Variants in LDB2 observed in about 807,000 individuals in gnomAD.
The protein encoded by LDB2 is LIM domain binding 2, also known as LIM domain-binding protein 2.
A neutral mutation model predicts 44.3 loss-of-function variants in LDB2; 12 were observed. The ratio of observed to expected loss-of-function variants is 0.27; its 90% confidence interval spans 0.17 to 0.44. LDB2 has a LOEUF of 0.44. LDB2 is among the 20% of genes least tolerant of loss of function. The pLI, the probability that LDB2 is intolerant of heterozygous loss-of-function variation, is 1.00. For synonymous variants in LDB2, 164 were observed against 174.8 expected (o/e 0.94, Z 0.49); for missense variants, 344 against 473.5 (o/e 0.73, Z 2.54).
intron 2 of LDB2, among the ~76,000 whole-genome samples, chr4:16,745,114 C>T (rs1218655922): frequency 1.3e-5 from 2 of 152,194 alleles, no homozygotes; most frequent in African/African-American, 4.8e-5. Context: ...GCTTGTCTGA[C>T]TCACAAGCCT....
rs537091060 is a variant in LDB2 at position 16,561,714 on chromosome 4, A to G, written c.615+24208T>C. On this transcript the variant is annotated intron_variant, in intron 5 of 7. Transcript: ENST00000304523. ...GACTTTCTTCACAGAATTGGAAAAAAACTACTTTAAAGTTCACATGGAACC... is the reference window on the plus strand; with the variant it reads ...GACTTTCTTCACAGAATTGGAAAAAGACTACTTTAAAGTTCACATGGAACC... 2.0e-5 allele frequency among the ~76,000 whole-genome samples: 3 copies of G among 152,314 alleles called. No homozygotes were observed. The East Asian group carries it at 5.8e-4, about 29-fold the overall frequency.
intron 5 of LDB2, among the ~76,000 whole-genome samples, chr4:16,585,053 T>C (rs914509754): frequency 2.6e-5 from 4 of 152,136 alleles, no homozygotes; most frequent in African/African-American, 9.7e-5. Context: ...GACAAGACGA[T>C]ATGCCCAGCA....
At chr4:16,781,901 C>T (rs1773316295) in intron 1 of LDB2, among the ~76,000 whole-genome samples, 1 of 152,150 alleles carries the variant, frequency 6.6e-6, no homozygotes, top group South Asian at 2.1e-4. Context: ...GTCACATCTA[C>T]AAGCCAAGGG....
At chr4:16,884,203 A>C (rs1234099793) in intron 1 of LDB2, among the ~76,000 whole-genome samples, 1 of 152,210 alleles carries the variant, frequency 6.6e-6, no homozygotes, top group Non-Finnish European at 1.5e-5. Flanking sequence ...GCTAATACTG[A>C]CTGAATCCGT....
At chr4:16,894,660 C>T (rs1040761677) in intron 1 of LDB2, among the ~76,000 whole-genome samples, 3 of 152,126 alleles carry the variant, frequency 2.0e-5, no homozygotes, top group African/African-American at 7.2e-5. Flanking sequence ...GAAGCAGAGG[C>T]GCAAAGCTGC....
intron 2 of LDB2, among the ~76,000 whole-genome samples, chr4:16,653,255 G>A (rs1738821910): frequency 6.6e-6 from 1 of 152,152 alleles, no homozygotes; most frequent in African/African-American, 2.4e-5. Flanking sequence ...TTTGGCTTCT[G>A]CTAATTGTTG....
intron 1 of LDB2, among the ~76,000 whole-genome samples, chr4:16,830,242 G>T (rs1292456496): frequency 6.6e-6 from 1 of 152,208 alleles, no homozygotes; most frequent in Non-Finnish European, 1.5e-5. Context: ...GGTGGGAGGT[G>T]ATTGGATCAT....
At chr4:16,557,002 TAG>T (rs986817233) in intron 5 of LDB2, among the ~76,000 whole-genome samples, 2 of 152,238 alleles carry the variant, frequency 1.3e-5, no homozygotes, top group African/African-American at 4.8e-5. Flanking sequence ...CAGATTATTC[TAG>T]AGAGTCATAT....
At chr4:16,595,458 T>C (rs1250152336) in intron 3 of LDB2, among the ~76,000 whole-genome samples, 2 of 152,118 alleles carry the variant, frequency 1.3e-5, no homozygotes, top group Non-Finnish European at 2.9e-5. Context: ...AGAACCTCTC[T>C]TCCTCTTAGT....
chr4:16,886,471 G>A (rs1348028970), intron 1 of LDB2, among the ~76,000 whole-genome samples: 2 of 152,256 alleles, frequency 1.3e-5, no homozygotes, highest in East Asian at 3.9e-4. Context: ...GTATATGTAT[G>A]TGTGCATTAA....
Position 16,501,914 on chromosome 4 carries a change from GCAT to G in LDB2, c.*726_*728del, listed in dbSNP as rs1717616426. 1 of 152,568 alleles carries G rather than the reference GCAT, an allele frequency of 6.6e-6. No individual in the cohort carries two copies. Among genetic ancestry groups the G allele is most frequent in the Non-Finnish European group, 1.5e-5 (1 of 68,034 alleles). 9.5% of individuals were successfully genotyped at this position (152,568 alleles called of 1,614,324 possible). A position where few individuals can be genotyped will look rare whatever the true frequency, so the allele number is the denominator to read the frequency against. On this transcript the variant is annotated 3_prime_UTR_variant, in exon 8 of 8. Transcript: ENST00000304523. ...TTGGATCAACAGCAACTTTACAAAT[GCAT>G]AAATTCTTAAGGGTCCAATTGTCTT...
chr4:16,796,155 G>C (rs1012456685), intron 1 of LDB2, among the ~76,000 whole-genome samples: 1 of 152,102 alleles, frequency 6.6e-6, no homozygotes, highest in Admixed American at 6.5e-5. Flanking sequence ...CGTCATGGTG[G>C]TGTCGTGTGG....
At chr4:16,571,841 T>C (rs982575477) in intron 5 of LDB2, among the ~76,000 whole-genome samples, 5 of 152,252 alleles carry the variant, frequency 3.3e-5, no homozygotes, top group African/African-American at 9.6e-5. Flanking sequence ...TAAACACTTA[T>C]AGCTGTTCCC....
chr4:16,562,952 A>G (rs1282781263), intron 5 of LDB2, among the ~76,000 whole-genome samples: 1 of 152,112 alleles, frequency 6.6e-6, no homozygotes, highest in Non-Finnish European at 1.5e-5. Context: ...CATTCTCAGT[A>G]AACTATCGCA....
intron 5 of LDB2, among the ~76,000 whole-genome samples, chr4:16,519,991 C>A (rs1725369431): frequency 6.6e-6 from 1 of 151,994 alleles, no homozygotes; most frequent in Non-Finnish European, 1.5e-5. Context: ...CACTAGATAA[C>A]AATGAATGCC....
chr4:16,570,476 A>T (rs2152398168), intron 5 of LDB2, among the ~76,000 whole-genome samples: 1 of 104,300 alleles, frequency 9.6e-6, no homozygotes. Context: ...AAAAAAAAAA[A>T]AAAAAAAAAA....
At chr4:16,546,523 T>C (rs13124087) in intron 5 of LDB2, among the ~76,000 whole-genome samples, 10,361 of 152,318 alleles carry the variant, frequency 0.068, 477 homozygotes, top group South Asian at 0.16. Flanking sequence ...CATAAAAGTA[T>C]GACAGCGGTC....
chr4:16,526,511 A>G (rs966532867), intron 5 of LDB2, among the ~76,000 whole-genome samples: 6 of 152,328 alleles, frequency 3.9e-5, no homozygotes, highest in African/African-American at 1.2e-4. Context: ...TCATCACATG[A>G]GCCAATGCAC....
At position 16,512,141 on chromosome 4, in the gene LDB2, T is replaced by TCATAACACTAATTACAATAAATA. The variant is rs746787383; in HGVS notation, c.616-60_616-38dup. ...TCAAAGACATTGGCATTTCACTACT[T>TCATAACACTAATTACAATAAATA]CATAACACTAATTACAATAAATAAT... On this transcript the variant is annotated intron_variant, in intron 5 of 7. Transcript: ENST00000304523. 3.9e-6 allele frequency: 6 copies of TCATAACACTAATTACAATAAATA among 1,539,396 alleles called. No homozygotes were observed. In the South Asian group the frequency reaches 7.4e-5, roughly 19 times the overall value.
Sources: allele counts gnomAD v4.1 joint callset (sites outside exome capture counted in the v4.1 genomes callset), GRCh38; gene constraint gnomAD v4.1.1; transcripts MANE v1.5; gene names NCBI Gene and HGNC (gene_info 2026-07-23, HGNC 2026-07-21).